INSRR: variants seen among roughly 807,000 people sequenced by gnomAD.
INSRR encodes insulin receptor related receptor.
INSRR carries 114 observed loss-of-function variants against 130.0 expected under a neutral mutation model. The ratio of observed to expected loss-of-function variants is 0.88; its 90% confidence interval spans 0.75 to 1.02. The LOEUF (loss-of-function observed/expected upper bound fraction) is 1.02. INSRR is among the 50% of genes least tolerant of loss of function. The pLI, the probability that INSRR is intolerant of heterozygous loss-of-function variation, is 0.00. For missense variants in INSRR, 1,657 were observed against 1,735.2 expected (o/e 0.95, Z 0.80); for synonymous variants, 674 against 705.2 (o/e 0.96, Z 0.70).
intron 1 of INSRR, 107 bp downstream of exon 1, chr1:156,858,430 T>C: frequency 1.2e-6 from 1 of 826,134 alleles, no homozygotes; most frequent in Non-Finnish European, 2.1e-6. Flanking sequence ...AACCCCCATG[T>C]TCCAGTGCAG....
At chr1:156,843,704 C>T (rs921689783) in intron 15 of INSRR, among the ~76,000 whole-genome samples, 1 of 152,250 alleles carries the variant, frequency 6.6e-6, no homozygotes, top group African/African-American at 2.4e-5. Context: ...AAAGGGGCTT[C>T]CGCCCTGTCA....
Position 156,846,561 on chromosome 1 carries a change from C to T in INSRR, c.1768G>A (p.Gly590Arg), listed in dbSNP as rs746046983. The change falls in exon 8 of 22, where the codon GGA becomes AGA. Residue 590 changes from glycine to arginine, a missense_variant. Gly to Arg is a moderately radical substitution (Grantham distance 125). Transcript: ENST00000368195. ...LTTEEDSPHQGAQSPIVYLRT... is the reference protein window; with the variant it reads ...LTTEEDSPHQRAQSPIVYLRT... ...AGGTAGACGATGGGACTCTGGGCTC[C>T]TTGATGAGGGCTGTCCTCCTCAGTG... The T allele has an allele frequency of 5.3e-5, 86 of 1,614,072 alleles. No individual in the cohort carries two copies. Among genetic ancestry groups the T allele is most frequent in the Non-Finnish European group, 6.8e-5 (80 of 1,180,048 alleles).
At chr1:156,855,176 T>TTATCTATCTATCTACC (rs1655364057) in intron 1 of INSRR, among the ~76,000 whole-genome samples, 1 of 143,580 alleles carries the variant, frequency 7.0e-6, no homozygotes, top group East Asian at 2.1e-4. Context: ...CCATCCAATT[T>TTATCTATCTATCTACC]TATCTATCTA....
intron 15 of INSRR, 34 bp from the exon 16 acceptor site, chr1:156,843,513 G>C (rs769954015): frequency 1.9e-6 from 3 of 1,607,330 alleles, no homozygotes; most frequent in East Asian, 2.2e-5. Flanking sequence ...AGGCTGGAAG[G>C]GTTCTCAGGA....
rs774680633 is a variant in INSRR at position 156,844,806 on chromosome 1, C to A, written c.2475G>T (p.Glu825Asp). 6.2e-7 allele frequency: 1 copy of A among 1,614,128 alleles called. No homozygotes were observed. The highest frequency in any genetic ancestry group is 1.1e-5 in the South Asian group (1 of 91,080). ...ADGIPGKVAW[E>D]ASSKNSVLLR... The stretch of plus-strand genomic sequence containing the variant: ...GAAGGACACTGTTCTTGCTGGAGGC[C>A]TCCCAGGCCACCTTTCCTGGAATAC... The change falls in exon 13 of 22, where the codon GAG (glutamate) becomes GAT (aspartate). Residue 825 changes from glutamate to aspartate, a missense_variant. Transcript: ENST00000368195.
intron 1 of INSRR, among the ~76,000 whole-genome samples, 178 bp downstream of exon 1, chr1:156,858,359 C>T (rs1655483742): frequency 6.6e-6 from 1 of 152,190 alleles, no homozygotes; most frequent in Non-Finnish European, 1.5e-5. Context: ...GAGGGAAAAA[C>T]ACCTTTATGT....
rs1654926893 is a variant in INSRR, at chr1:156,844,707, C to CGG, written c.2573_2574insCC (p.Glu858AspfsTer100). 1 of 1,613,994 alleles carries CGG rather than the reference C, an allele frequency of 6.2e-7. No homozygotes were observed. The highest frequency in any genetic ancestry group is 8.5e-7 in the Non-Finnish European group (1 of 1,180,026). Reference sequence around the variant, plus strand: ...GGACGGGGGTCCCACGGGCACCTACCTCTCCCAAGCGGCGGTACTTGATTT... The same window carrying CGG: ...GGACGGGGGTCCCACGGGCACCTACCGGTCTCCCAAGCGGCGGTACTTGATTT... On this transcript the variant is annotated frameshift_variant and splice_region_variant, in exon 13 of 22. Coordinates refer to ENST00000368195, the MANE Select transcript of INSRR (RefSeq NM_014215.3). LOFTEE classifies it high-confidence loss of function.
intron 5 of INSRR, among the ~76,000 whole-genome samples, chr1:156,850,625 G>A (rs1655175523): frequency 7.1e-6 from 1 of 140,516 alleles, no homozygotes. Flanking sequence ...CACGATTTCG[G>A]CTCACTGTAA....
At chr1:156,845,597 A>G (rs1474553342) in intron 10 of INSRR, 22 bp downstream of exon 10, 1 of 1,164,604 alleles carries the variant, frequency 8.6e-7, no homozygotes, top group African/African-American at 2.4e-5. Context: ...AGACCCTCCC[A>G]GGCCGCGCGC....
In INSRR at chr1:156,840,063, T is replaced by G. The variant is rs922816960; in HGVS notation, c.*810A>C. 10 of 129,546 alleles carry G rather than the reference T, an allele frequency of 7.7e-5. No individual in the cohort carries two copies. The highest frequency in any genetic ancestry group is 3.0e-4 in the African/African-American group (10 of 33,732). The allele number at this position is 129,546 out of a possible 1,614,324, so 8.0% of individuals were successfully genotyped here. On this transcript the variant is annotated 3_prime_UTR_variant, in exon 22 of 22. Coordinates refer to ENST00000368195, the MANE Select transcript of INSRR (RefSeq NM_014215.3). ...GATAATGGGCTGCCTGGGACCAGGG[T>G]ACAAACAGGCCTCAGCATTTATTGT...
At chr1:156,844,385 G>A (rs1160427970) in intron 14 of INSRR, 77 bp downstream of exon 14, 25 of 1,570,126 alleles carry the variant, frequency 1.6e-5, no homozygotes, top group Non-Finnish European at 2.2e-5. Flanking sequence ...GAGGGATGCG[G>A]GGGAGGGGCC....
At chr1:156,852,290 A>G (rs1655244146) in intron 2 of INSRR, 99 bp from the exon 3 acceptor site, 3 of 1,187,318 alleles carry the variant, frequency 2.5e-6, no homozygotes, top group South Asian at 1.6e-5. Context: ...GATGACACTC[A>G]ATCTGCACCC....
At chr1:156,853,683 G>A in intron 2 of INSRR, 69 bp downstream of exon 2, 3 of 1,468,638 alleles carry the variant, frequency 2.0e-6, no homozygotes, top group Middle Eastern at 4.7e-4. Context: ...ACACCATCCT[G>A]TGGCCACCCA....
intron 1 of INSRR, among the ~76,000 whole-genome samples, chr1:156,856,482 A>G (rs1655408205): frequency 6.6e-6 from 1 of 152,182 alleles, no homozygotes; most frequent in Non-Finnish European, 1.5e-5. Flanking sequence ...TAGGGTGTAG[A>G]TAAACCATTC....
chr1:156,848,940 T>C lies in INSRR; in HGVS notation c.1552A>G (p.Ile518Val). ...ACTCACGACTCCTTGTAGTACACGA[T>C]GAAGCTGAGCAGGTCGCGGGCCTCC... ...PLEARDLLSF[I>V]VYYKESPFQN... Residue 518 changes from isoleucine to valine, a missense_variant, in exon 7 of 22, where the codon ATC becomes GTC. Ile to Val is a conservative substitution (Grantham distance 29). Transcript: ENST00000368195. 1.3e-6 allele frequency: 2 copies of C among 1,586,380 alleles called. No individual in the cohort carries two copies. Among genetic ancestry groups the C allele is most frequent in the East Asian group, 2.3e-5 (1 of 43,766 alleles).
intron 13 of INSRR, 34 bp from the exon 14 acceptor site, chr1:156,844,658 C>A: frequency 6.2e-7 from 1 of 1,613,760 alleles, no homozygotes; most frequent in Non-Finnish European, 8.5e-7. Context: ...GCTGGGAAGG[C>A]GATGTAGGCA....
chr1:156,858,639 G>T lies in INSRR; in HGVS notation c.-18C>A, dbSNP rs565205202. 10 of 1,610,584 alleles carry T rather than the reference G, an allele frequency of 6.2e-6. No individual in the cohort carries two copies. The highest frequency in any genetic ancestry group is 1.7e-5 in the Admixed American group (1 of 60,020). Reference sequence around the variant, plus strand: ...ACTGCCATTGTCCCAGCCCTGGCTTGTGTCCAGTCCCGGCTCTCCTCCCGG... The same window carrying T: ...ACTGCCATTGTCCCAGCCCTGGCTTTTGTCCAGTCCCGGCTCTCCTCCCGG... On this transcript the variant is annotated 5_prime_UTR_variant, in exon 1 of 22. Transcript: ENST00000368195.
In INSRR at chr1:156,844,740, G is replaced by A. The variant is rs137892383; in HGVS notation, c.2541C>T (p.Leu847=). Residue 847 remains leucine, a synonymous_variant, in exon 13 of 22, where the codon CTC becomes CTT. Coordinates refer to ENST00000368195, the MANE Select transcript of INSRR (RefSeq NM_014215.3). ...LEPPDPNGLI[L]KYEIKYRRLG... ...AGCGGCGGTACTTGATTTCGTACTT[G>A]AGGATGAGTCCGTTGGGGTCTGGTG... The A allele has an allele frequency of 2.7e-5, 43 of 1,614,046 alleles. No homozygotes were observed. Among genetic ancestry groups the A allele is most frequent in the Non-Finnish European group, 3.6e-5 (42 of 1,180,034 alleles).
At position 156,857,159 on chromosome 1, in the gene INSRR, GTGTA is replaced by G. The variant is rs1270787768; in HGVS notation, c.85+1374_85+1377del. Among the ~76,000 whole-genome samples the G allele has an allele frequency of 8.4e-3, 1,067 of 126,478 alleles. 5 individuals are homozygous for G. The highest frequency in any genetic ancestry group is 0.025 in the South Asian group (90 of 3,576). The allele number at this position is 126,478 out of a possible 152,430, so 83.0% of individuals were successfully genotyped here. ...CTGAGCTTGGCTCTGCCCAGCAGCTGTGTATGTGTGTGTGTGTGTGTGTGTGTGT... is the reference window on the plus strand; with the variant it reads ...CTGAGCTTGGCTCTGCCCAGCAGCTGTGTGTGTGTGTGTGTGTGTGTGTGT... On this transcript the variant is annotated intron_variant, in intron 1 of 21. Coordinates refer to ENST00000368195, the MANE Select transcript of INSRR (RefSeq NM_014215.3).
Sources: gnomAD v4.1 joint callset for allele counts (sites outside exome capture counted in the v4.1 genomes callset) on GRCh38, gnomAD v4.1.1 for gene constraint, MANE v1.5 for transcripts, NCBI Gene and HGNC (gene_info 2026-07-23, HGNC 2026-07-21) for gene names.